METTL17: variants seen among roughly 807,000 people sequenced by gnomAD.
METTL17 encodes the protein methyltransferase like 17.
Under a neutral mutation model 59.4 loss-of-function variants are expected in METTL17, and 49 were observed. That is an observed-to-expected ratio of 0.82 (90% CI 0.66 to 1.05). The LOEUF (loss-of-function observed/expected upper bound fraction) is 1.05, where lower values mean the gene tolerates loss of function less well. METTL17 is among the 50% of genes least tolerant of loss of function. The pLI is 0.00. For synonymous variants in METTL17, 208 were observed against 209.2 expected (o/e 0.99, Z 0.05); for missense variants, 555 against 578.4 (o/e 0.96, Z 0.41).
chr14:20,993,710 T>A, intron 6 of METTL17: 1 of 267,110 alleles, frequency 3.7e-6, no homozygotes, highest in Non-Finnish European at 7.1e-6. Context: ...CCTGACCTTG[T>A]GATCCGCCCA....
At chr14:20,990,854 CAG>C (rs1390876295) in intron 3 of METTL17, 3 of 468,746 alleles carry the variant, frequency 6.4e-6, no homozygotes, top group African/African-American at 6.0e-5. Flanking sequence ...TGCTTTGAGA[CAG>C]AGTCTTGCTC....
intron 5 of METTL17, 66 bp from the exon 6 acceptor site, chr14:20,993,052 C>T: frequency 1.4e-6 from 2 of 1,382,318 alleles, no homozygotes; most frequent in Non-Finnish European, 2.1e-6. Context: ...CCTCCTAATT[C>T]ACATTTATCA....
chr14:20,990,198 C>T, intron 1 of METTL17, 32 bp from the exon 2 acceptor site: 1 of 1,613,878 alleles, frequency 6.2e-7, no homozygotes, highest in Non-Finnish European at 8.5e-7. Flanking sequence ...TCCTTTCTGC[C>T]AGGAAATCAA....
rs146385179 is a variant in METTL17, at chr14:20,994,881, C to A, written c.856C>A (p.Arg286Ser). The change falls in exon 9 of 14, where the codon CGT becomes AGT. Residue 286 changes from arginine to serine, a missense_variant. Arg to Ser is a moderately radical substitution (Grantham distance 110, BLOSUM62 -1). Transcript: ENST00000339374. The stretch of plus-strand genomic sequence containing the variant: ...CACTGAGGTAGTTCAAACCTTATGG[C>A]GTAAGACAGGTCATTTCCTGGTGAG... ...DRTEVVQTLW[R>S]KTGHFLVLVE... is the part of the protein sequence containing the mutation. 8.1e-6 allele frequency: 13 copies of A among 1,613,552 alleles called. No homozygotes were observed. The highest frequency in any genetic ancestry group is 1.1e-5 in the Non-Finnish European group (13 of 1,179,726).
Position 20,992,211 on chromosome 14 carries a change from G to C in METTL17, c.446+6G>C, listed in dbSNP as rs979292684. 4 of 1,580,536 alleles carry C rather than the reference G, an allele frequency of 2.5e-6. No homozygotes were observed. The Admixed American group carries it at 7.1e-5, about 28-fold the overall frequency. On this transcript the variant is annotated splice_donor_region_variant and intron_variant, in intron 4 of 13. Transcript: ENST00000339374. ...TACCATTGGCAAGAACTGAGGTAAG[G>C]GGGCCCAGAAGAGGTGCACAAGAAA... is the stretch of plus-strand genomic sequence containing the variant.
Position 20,993,120 on chromosome 14 carries a change from C to A in METTL17, c.531C>A (p.Ile177=). The change falls in exon 6 of 14, where the codon ATC becomes ATA. Residue 177 remains isoleucine, a splice_region_variant and synonymous_variant. Transcript: ENST00000339374. ...FAAVSRAFHE[I]RARNPAFQPQ... is the part of the protein sequence containing the mutation. ...TGGGATGTTGTATATTTCTTCAGAT[C>A]CGGGCTCGAAATCCAGCATTTCAGC... 1 of 1,614,006 alleles carries A rather than the reference C, an allele frequency of 6.2e-7. No individual in the cohort carries two copies. Among genetic ancestry groups the A allele is most frequent in the South Asian group, 1.1e-5 (1 of 91,082 alleles).
chr14:20,993,693 T>A, intron 6 of METTL17: 2 of 247,972 alleles, frequency 8.1e-6, no homozygotes, highest in South Asian at 1.3e-4. Flanking sequence ...CAGGCTGGTC[T>A]CTAACTCCTG....
intron 7 of METTL17, 79 bp downstream of exon 7, chr14:20,994,142 A>G: frequency 2.0e-6 from 2 of 1,016,276 alleles, no homozygotes; most frequent in Non-Finnish European, 3.1e-6. Context: ...ACTGGGAAGT[A>G]GAGAAGAGGG....
chr14:20,995,388 A>G (rs944308001), intron 10 of METTL17, among the ~76,000 whole-genome samples, 155 bp downstream of exon 10: 1 of 152,260 alleles, frequency 6.6e-6, no homozygotes, highest in African/African-American at 2.4e-5. Flanking sequence ...TTGGCAAATG[A>G]GAGCCTGTGG....
chr14:20,996,041 C>T (rs1880350241), intron 11 of METTL17, 90 bp downstream of exon 11: 23 of 1,449,862 alleles, frequency 1.6e-5, no homozygotes, highest in African/African-American at 2.8e-5. Flanking sequence ...CCACTCTCCA[C>T]TACTTTGTGT....
rs772554285 is a variant in METTL17, at chr14:20,992,111, G to T, written c.365-13G>T. ...CCCTAGGTCCTGACTTCCAGTCCTT[G>T]TTCTCACCACAGACTTATCTCAGAC... On this transcript the variant is annotated splice_polypyrimidine_tract_variant and intron_variant, in intron 3 of 13. Coordinates refer to ENST00000339374, the MANE Select transcript of METTL17 (RefSeq NM_022734.3). 27 of 1,612,580 alleles carry T rather than the reference G, an allele frequency of 1.7e-5. No homozygotes were observed. The highest frequency in any genetic ancestry group is 2.3e-5 in the Non-Finnish European group (27 of 1,179,422).
At chr14:20,994,126 T>G in intron 7 of METTL17, 63 bp downstream of exon 7, 2 of 1,181,706 alleles carry the variant, frequency 1.7e-6, no homozygotes, top group Non-Finnish European at 2.5e-6. Context: ...CTAGTAAAAG[T>G]GTTTTACTGG....
intron 6 of METTL17, 155 bp downstream of exon 6, chr14:20,993,346 AG>A: frequency 1.6e-6 from 1 of 623,682 alleles, no homozygotes; most frequent in South Asian, 2.0e-5. Context: ...AGGCAGAAGA[AG>A]GTATATGGAT....
At chr14:20,993,410 A>G (rs1212681616) in intron 6 of METTL17, 5 of 489,686 alleles carry the variant, frequency 1.0e-5, no homozygotes, top group Non-Finnish European at 1.8e-5. Context: ...ATGTGTAGAA[A>G]AATTAAAAAG....
rs971193102 is a variant in METTL17, at chr14:20,990,028, T to A, written c.26T>A (p.Leu9Gln). 4 of 1,612,364 alleles carry A rather than the reference T, an allele frequency of 2.5e-6. No homozygotes were observed. The highest frequency in any genetic ancestry group is 4.5e-5 in the East Asian group (2 of 44,844). MAAALKCLLTLGRWCPGLG... is the reference protein window; with the variant it reads MAAALKCLQTLGRWCPGLG... The stretch of plus-strand genomic sequence containing the variant: ...ATGGCGGCGGCACTGAAGTGTCTAC[T>A]GACATTAGGAAGATGGTGCCCCGGC... Residue 9 changes from leucine (L) to glutamine (Q), a missense_variant, in exon 1 of 14, where the codon CTG (leucine) becomes CAG (glutamine). Coordinates refer to ENST00000339374, the MANE Select transcript of METTL17 (RefSeq NM_022734.3).
Position 20,994,019 on chromosome 14 carries a change from A to C in METTL17, c.653A>C (p.Asp218Ala), listed in dbSNP as rs749504491. 1 of 1,613,928 alleles carries C rather than the reference A, an allele frequency of 6.2e-7. No individual in the cohort carries two copies. The highest frequency in any genetic ancestry group is 1.1e-5 in the South Asian group (1 of 91,074). ...GQSLREYMCV[D>A]RSAAMLVLAE... ...AGCCTACGTGAATATATGTGTGTGG[A>C]CAGATCAGCTGCCATGTTGGTTTTG... The change falls in exon 7 of 14, where the codon GAC (aspartate) becomes GCC (alanine). Residue 218 changes from aspartate (D) to alanine (A), a missense_variant. Transcript: ENST00000339374.
chr14:20,996,378 A>T, intron 12 of METTL17, 86 bp downstream of exon 12: 1 of 1,516,800 alleles, frequency 6.6e-7, no homozygotes. Flanking sequence ...GAGTTGGATA[A>T]TTTGTAGAAT....
At chr14:20,995,324 AG>A (rs1343383706) in intron 10 of METTL17, 91 bp downstream of exon 10, 13 of 1,157,442 alleles carry the variant, frequency 1.1e-5, no homozygotes, top group Admixed American at 1.8e-5. Flanking sequence ...TGTATTGACA[AG>A]GGTGGCTCTC....
intron 10 of METTL17, 81 bp downstream of exon 10, chr14:20,995,314 T>C: frequency 7.6e-7 from 1 of 1,312,834 alleles, no homozygotes; most frequent in Non-Finnish European, 1.1e-6. Context: ...GAGACTGTCA[T>C]GTATTGACAA....
Sources: gnomAD v4.1 joint callset for allele counts (sites outside exome capture counted in the v4.1 genomes callset) on GRCh38, gnomAD v4.1.1 for gene constraint, MANE v1.5 for transcripts, NCBI Gene and HGNC (gene_info 2026-07-23, HGNC 2026-07-21) for gene names.